ADK: variants seen among roughly 807,000 people sequenced by gnomAD.
ADK encodes the protein adenosine kinase.
In ADK, 24 loss-of-function variants were observed where a neutral mutation model predicts 44.7. The ratio of observed to expected loss-of-function variants is 0.54; its 90% CI spans 0.39 to 0.76. The LOEUF (loss-of-function observed/expected upper bound fraction) is 0.76, where lower values mean the gene tolerates loss of function less well. Ranked by LOEUF, ADK falls within the 30% of genes least tolerant of loss-of-function variation. The probability of loss-of-function intolerance (pLI) is 0.00; values close to 1 mark genes in which losing one functional copy is unlikely to be tolerated. For missense variants in ADK, 321 were observed against 425.1 expected, an observed-to-expected ratio of 0.76 and a Z score of 2.15; for synonymous variants, 128 against 142.6, an observed-to-expected ratio of 0.90 and a Z score of 0.73.
intron 7 of ADK, among the ~76,000 whole-genome samples, chr10:74,562,045 A>G (rs1298626683): frequency 6.6e-6 from 1 of 152,200 alleles, no homozygotes; most frequent in African/African-American, 2.4e-5. Context: ...CTAGGTCCCT[A>G]AAAGTCATTT....
intron 2 of ADK, among the ~76,000 whole-genome samples, chr10:74,203,951 C>CTTTTTTTTTTTTTTTTTT: frequency 1.0e-5 from 1 of 95,832 alleles, no homozygotes; most frequent in Non-Finnish European, 2.1e-5. Flanking sequence ...TTATTTAGGT[C>CTTTTTTTTTTTTTTTTTT]TTTTTTTTTT....
intron 6 of ADK, among the ~76,000 whole-genome samples, chr10:74,438,171 C>T (rs1190468496): frequency 5.3e-5 from 8 of 151,878 alleles, no homozygotes; most frequent in African/African-American, 1.9e-4. Flanking sequence ...TTGTAATTAA[C>T]TTGTTTAAAT....
intron 1 of ADK, among the ~76,000 whole-genome samples, chr10:74,164,663 A>G (rs1156986220): frequency 2.6e-5 from 4 of 152,110 alleles, no homozygotes; most frequent in African/African-American, 9.7e-5. Flanking sequence ...TTAGAGAAAT[A>G]TATACATTTC....
chr10:74,293,512 C>A (rs1054421317), intron 3 of ADK, among the ~76,000 whole-genome samples: 1 of 152,014 alleles, frequency 6.6e-6, no homozygotes, highest in Admixed American at 6.6e-5. Flanking sequence ...TGAACTACAC[C>A]TTCTCCAATG....
At chr10:74,274,719 A>C (rs1846590217) in intron 3 of ADK, among the ~76,000 whole-genome samples, 1 of 63,010 alleles carries the variant, frequency 1.6e-5, no homozygotes, top group Non-Finnish European at 3.9e-5. Context: ...GTAGGAGAAA[A>C]ATTTTAATGT....
intron 9 of ADK, among the ~76,000 whole-genome samples, chr10:74,667,831 C>A (rs1188664208): frequency 6.6e-6 from 1 of 152,084 alleles, no homozygotes; most frequent in Non-Finnish European, 1.5e-5. Context: ...CCATGCCTGA[C>A]CAGAAGTCAT....
chr10:74,634,517 T>C (rs1157657907), intron 9 of ADK, among the ~76,000 whole-genome samples: 1 of 151,912 alleles, frequency 6.6e-6, no homozygotes, highest in Non-Finnish European at 1.5e-5. Context: ...CCGGCTGGCA[T>C]TTTTTTCTTA....
intron 1 of ADK, among the ~76,000 whole-genome samples, chr10:74,189,258 A>AT (rs1292360573): frequency 1.2e-4 from 18 of 151,966 alleles, no homozygotes; most frequent in South Asian, 4.2e-4. Flanking sequence ...ATATTTGGGG[A>AT]TTTTTTAGCT....
chr10:74,155,633 C>T (rs1242025697), intron 1 of ADK, among the ~76,000 whole-genome samples: 1 of 152,118 alleles, frequency 6.6e-6, no homozygotes, highest in Non-Finnish European at 1.5e-5. Context: ...GGGTTCATGC[C>T]ATTCTCCTGC....
chr10:74,655,664 C>T (rs1200472288), intron 9 of ADK: 4 of 459,212 alleles, frequency 8.7e-6, no homozygotes, highest in Non-Finnish European at 1.3e-5. Context: ...CAGGAAGACC[C>T]CCGGGCCTCC....
chr10:74,407,927 A>G (rs867008528), intron 6 of ADK, among the ~76,000 whole-genome samples: 19 of 151,934 alleles, frequency 1.3e-4, no homozygotes, highest in African/African-American at 4.6e-4. Flanking sequence ...GCAAATCTCT[A>G]GGTTGATTTT....
Position 74,497,110 on chromosome 10 carries a change from G to A in ADK, c.556-28146G>A, listed in dbSNP as rs1362053992. Among the ~76,000 whole-genome samples the A allele has an allele frequency of 2.0e-5, 3 of 152,046 alleles. No homozygotes were observed. The East Asian group carries it at 5.8e-4, about 29-fold the overall frequency. ...CTACAGGGACTACGGGCGCCACCTT[G>A]CCTAGCTCCCCCTCTCTCTTATCTT... On this transcript the variant is annotated intron_variant, in intron 6 of 10. Transcript: ENST00000539909.
At chr10:74,195,120 T>A (rs186474976) in intron 1 of ADK, among the ~76,000 whole-genome samples, 154 of 151,088 alleles carry the variant, frequency 1.0e-3, no homozygotes, top group African/African-American at 3.7e-3. Flanking sequence ...GAATCTCTCA[T>A]CCTAGCATCC....
chr10:74,423,061 G>C (rs1844622989), intron 6 of ADK, among the ~76,000 whole-genome samples: 2 of 152,122 alleles, frequency 1.3e-5, no homozygotes, highest in African/African-American at 2.4e-5. Flanking sequence ...TTCCGCAAGA[G>C]GGAAAGAAAG....
intron 1 of ADK, among the ~76,000 whole-genome samples, chr10:74,152,628 T>G (rs1338338342): frequency 6.6e-6 from 1 of 152,232 alleles, no homozygotes; most frequent in Non-Finnish European, 1.5e-5. Flanking sequence ...TAATAAAAAT[T>G]ATTATATATA....
At position 74,527,529 on chromosome 10, in the gene ADK, T is replaced by C. The variant is rs114775437; in HGVS notation, c.726+2103T>C. 2,805 of 656,866 alleles carry C rather than the reference T, an allele frequency of 4.3e-3. 62 individuals are homozygous for C. In the African/African-American group the frequency reaches 0.045, roughly 11 times the overall value. The allele number at this position is 656,866 out of a possible 1,614,324, so 40.7% of individuals were successfully genotyped here. A position where few individuals can be genotyped will look rare whatever the true frequency, so the allele number is the denominator to read the frequency against. On this transcript the variant is annotated intron_variant, in intron 7 of 10. Transcript: ENST00000539909. ...TGTGGAGGGACCTTTTGAAAAAATA[T>C]AGCAGAGCACGCAGAAAACTCTTTA...
rs1456740505 is a variant in ADK at position 74,350,653 on chromosome 10, A to G, written c.273+35908A>G. Among the ~76,000 whole-genome samples the G allele has an allele frequency of 2.0e-5, 3 of 152,314 alleles. 1 individual carries two copies. Among genetic ancestry groups the G allele is most frequent in the South Asian group, 2.1e-4 (1 of 4,824 alleles). ...GTGGTTTTTTGAAAAGATTAACCAAATAGATAGACTACTAGCTAGACTATT... is the reference window on the plus strand; with the variant it reads ...GTGGTTTTTTGAAAAGATTAACCAAGTAGATAGACTACTAGCTAGACTATT... On this transcript the variant is annotated intron_variant, in intron 4 of 10. Transcript: ENST00000539909.
At chr10:74,375,441 G>A (rs1453652608) in intron 4 of ADK, among the ~76,000 whole-genome samples, 1 of 152,132 alleles carries the variant, frequency 6.6e-6, no homozygotes, top group Non-Finnish European at 1.5e-5. Context: ...TTGTAGTTGT[G>A]CAAGAATGGA....
intron 3 of ADK, among the ~76,000 whole-genome samples, chr10:74,287,325 G>A (rs1052228244): frequency 9.2e-5 from 14 of 152,062 alleles, no homozygotes; most frequent in Non-Finnish European, 2.1e-4. Context: ...TTAGTGGGGC[G>A]TGGTGGTGCA....
Sources: allele counts gnomAD v4.1 joint callset (sites outside exome capture counted in the v4.1 genomes callset), GRCh38; gene constraint gnomAD v4.1.1; transcripts MANE v1.5; gene names NCBI Gene and HGNC (gene_info 2026-07-23, HGNC 2026-07-21).